The following SPATA17 variants were observed in gnomAD, a reference collection of about 807,000 sequenced individuals.
SPATA17 encodes the protein spermatogenesis-associated protein 17.
SPATA17 carries 53 observed loss-of-function variants against 62.2 expected under a neutral mutation model. The observed-to-expected ratio is 0.85, with a 90% CI of 0.68 to 1.07. SPATA17 has a LOEUF of 1.07. Ranked by LOEUF, SPATA17 falls within the 50% of genes least tolerant of loss-of-function variation. SPATA17 has a pLI of 0.00. For missense variants in SPATA17, 466 were observed against 425.5 expected (o/e 1.10, Z -0.84); for synonymous variants, 146 against 146.8 (o/e 0.99, Z 0.04).
At chr1:217,825,541 T>G (rs1376322952) in intron 9 of SPATA17, among the ~76,000 whole-genome samples, 1 of 151,978 alleles carries the variant, frequency 6.6e-6, no homozygotes, top group Admixed American at 6.6e-5. Context: ...AATCAGCCTT[T>G]TACTCTGATA....
chr1:217,646,055 G>A (rs898912793), intron 1 of SPATA17, among the ~76,000 whole-genome samples: 1 of 151,854 alleles, frequency 6.6e-6, no homozygotes, highest in Admixed American at 6.6e-5. Flanking sequence ...TGTTTCCATG[G>A]TCAAAATGTT....
intron 1 of SPATA17, among the ~76,000 whole-genome samples, chr1:217,632,658 CCAA>C (rs2102871100): frequency 6.6e-6 from 1 of 152,212 alleles, no homozygotes; most frequent in East Asian, 1.9e-4. Flanking sequence ...ATTTTTGTCT[CCAA>C]CGTCTATGAT....
chr1:217,758,478 G>A (rs1400868876), intron 6 of SPATA17, among the ~76,000 whole-genome samples: 1 of 152,114 alleles, frequency 6.6e-6, no homozygotes, highest in African/African-American at 2.4e-5. Context: ...CTATGGAGGG[G>A]AAAACAGATA....
chr1:217,720,754 TAA>T (rs1672108407), intron 5 of SPATA17, among the ~76,000 whole-genome samples: 2 of 152,112 alleles, frequency 1.3e-5, no homozygotes, highest in Non-Finnish European at 2.9e-5. Flanking sequence ...ACAGAAATAG[TAA>T]ATACTGGGAG....
At chr1:217,648,101 A>T (rs773047521) in intron 1 of SPATA17, among the ~76,000 whole-genome samples, 4 of 152,080 alleles carry the variant, frequency 2.6e-5, no homozygotes, top group Non-Finnish European at 5.9e-5. Context: ...TTCTATTCCT[A>T]ATTGTCTAGA....
chr1:217,751,708 T>A (rs11803369), intron 6 of SPATA17, among the ~76,000 whole-genome samples: 74,321 of 152,072 alleles, frequency 0.49, 19,364 homozygotes, highest in Non-Finnish European at 0.59. Context: ...TCAAATGAAT[T>A]CCTTTTCTGC....
chr1:217,723,600 T>G (rs1250410897), intron 5 of SPATA17, among the ~76,000 whole-genome samples: 1 of 152,186 alleles, frequency 6.6e-6, no homozygotes, highest in Non-Finnish European at 1.5e-5. Context: ...ACCACAGTAC[T>G]TGAAACATAG....
intron 1 of SPATA17, among the ~76,000 whole-genome samples, chr1:217,642,264 C>A (rs965376881): frequency 1.3e-5 from 2 of 152,064 alleles, no homozygotes; most frequent in Non-Finnish European, 1.5e-5. Context: ...AAAAGCAGAT[C>A]ATTTGAAACT....
chr1:217,837,505 G>A (rs1675288366), intron 9 of SPATA17, among the ~76,000 whole-genome samples: 1 of 152,030 alleles, frequency 6.6e-6, no homozygotes, highest in Non-Finnish European at 1.5e-5. Context: ...TTTCCATTTG[G>A]AAACCAATAT....
chr1:217,834,259 CTA>C (rs1491509575), intron 9 of SPATA17, among the ~76,000 whole-genome samples: 9 of 152,058 alleles, frequency 5.9e-5, no homozygotes, highest in East Asian at 1.9e-4. Context: ...TAATAAATGA[CTA>C]TGTTATTGGG....
intron 6 of SPATA17, among the ~76,000 whole-genome samples, chr1:217,771,571 C>T (rs912330740): frequency 1.3e-5 from 2 of 152,024 alleles, no homozygotes; most frequent in African/African-American, 2.4e-5. Flanking sequence ...TTTGCCTGCT[C>T]TAGGGATTGT....
intron 10 of SPATA17, among the ~76,000 whole-genome samples, chr1:217,865,526 G>T (rs1272027077): frequency 1.3e-5 from 2 of 152,058 alleles, no homozygotes; most frequent in Non-Finnish European, 2.9e-5. Flanking sequence ...TCCTTTTAGT[G>T]TCTTTAATTT....
intron 5 of SPATA17, among the ~76,000 whole-genome samples, chr1:217,714,488 C>CTTTTTTTTTTTTTTTT (rs750665329): frequency 0.038 from 4,559 of 120,864 alleles, 468 homozygotes; most frequent in Non-Finnish European, 0.055. Context: ...AAACGTGTTT[C>CTTTTTTTTTTTTTTTT]TTTTTTTTTT....
At chr1:217,740,012 G>C (rs1672591481) in intron 5 of SPATA17, among the ~76,000 whole-genome samples, 1 of 151,752 alleles carries the variant, frequency 6.6e-6, no homozygotes, top group Non-Finnish European at 1.5e-5. Context: ...CCATGCCACT[G>C]TATACATACT....
intron 8 of SPATA17, among the ~76,000 whole-genome samples, chr1:217,795,556 G>A (rs1001248452): frequency 2.6e-5 from 4 of 151,800 alleles, no homozygotes; most frequent in Non-Finnish European, 4.4e-5. Context: ...TTTTAGTAGA[G>A]ACAGGGTTTC....
At chr1:217,858,471 CAAGT>C (rs1675828381) in intron 9 of SPATA17, among the ~76,000 whole-genome samples, 1 of 152,196 alleles carries the variant, frequency 6.6e-6, no homozygotes, top group Non-Finnish European at 1.5e-5. Flanking sequence ...AATGAGTTAG[CAAGT>C]GTTTCCTGTG....
At chr1:217,834,079 G>A (rs1675205460) in intron 9 of SPATA17, among the ~76,000 whole-genome samples, 1 of 152,070 alleles carries the variant, frequency 6.6e-6, no homozygotes, top group Non-Finnish European at 1.5e-5. Flanking sequence ...CAAATACAAG[G>A]GCAGTCCCAT....
intron 3 of SPATA17, among the ~76,000 whole-genome samples, chr1:217,653,779 C>G (rs1183358164): frequency 6.6e-6 from 1 of 152,046 alleles, no homozygotes; most frequent in African/African-American, 2.4e-5. Context: ...AATTTGAATG[C>G]CAGGGATTTT....
At chr1:217,785,781 T>C (rs2102978912) in intron 8 of SPATA17, among the ~76,000 whole-genome samples, 1 of 152,302 alleles carries the variant, frequency 6.6e-6, no homozygotes. Flanking sequence ...AATCACAGGC[T>C]GGTAGGTTAT....
Sources: gnomAD v4.1 joint callset for allele counts (sites outside exome capture counted in the v4.1 genomes callset) on GRCh38, gnomAD v4.1.1 for gene constraint, MANE v1.5 for transcripts, NCBI Gene and HGNC (gene_info 2026-07-23, HGNC 2026-07-21) for gene names.